Variants in CDKAL1 observed in about 807,000 individuals in gnomAD.
CDKAL1 encodes threonylcarbamoyladenosine tRNA methylthiotransferase.
Under a neutral mutation model 68.2 loss-of-function variants are expected in CDKAL1, and 32 were observed. The observed-to-expected ratio is 0.47, with a 90% CI of 0.35 to 0.63. The LOEUF (loss-of-function observed/expected upper bound fraction) is 0.63. Among genes scored for constraint, CDKAL1 ranks in the 30% least tolerant of loss-of-function variants. The probability of loss-of-function intolerance (pLI) is 0.00; values close to 1 mark genes in which losing one functional copy is unlikely to be tolerated. For missense variants in CDKAL1, 606 were observed against 696.7 expected, an observed-to-expected ratio of 0.87 and a Z score of 1.47; for synonymous variants, 234 against 244.3, an observed-to-expected ratio of 0.96 and a Z score of 0.39.
chr6:20,607,161 G>C (rs1561961103), intron 4 of CDKAL1, among the ~76,000 whole-genome samples: 1 of 152,198 alleles, frequency 6.6e-6, no homozygotes, highest in East Asian at 1.9e-4. Context: ...AAAAAAGAAA[G>C]AACGTAAAGT....
At position 21,140,911 on chromosome 6, in the gene CDKAL1, A is replaced by G. The variant is rs951118968; in HGVS notation, c.1299+32448A>G. Reference sequence around the variant, plus strand: ...GCGGGAGGCAAAAGGCACTTCTTACATGGCGGCGCCAGGAGAAAATGAGGA... The same window carrying G: ...GCGGGAGGCAAAAGGCACTTCTTACGTGGCGGCGCCAGGAGAAAATGAGGA... On this transcript the variant is annotated intron_variant, in intron 13 of 15. Coordinates refer to ENST00000274695, the MANE Select transcript of CDKAL1 (RefSeq NM_017774.3). Among the ~76,000 whole-genome samples the G allele has an allele frequency of 4.6e-5, 7 of 152,180 alleles. No individual in the cohort carries two copies. In the South Asian group the frequency reaches 8.3e-4, roughly 18 times the overall value.
intron 5 of CDKAL1, among the ~76,000 whole-genome samples, chr6:20,693,875 CT>C (rs751860824): frequency 0.057 from 8,171 of 142,412 alleles, 261 homozygotes; most frequent in Middle Eastern, 0.097. Context: ...TTGCCAGCTA[CT>C]TTTTTTTTTT....
At chr6:20,573,495 A>G (rs1317701582) in intron 4 of CDKAL1, among the ~76,000 whole-genome samples, 1 of 152,200 alleles carries the variant, frequency 6.6e-6, no homozygotes, top group Non-Finnish European at 1.5e-5. Flanking sequence ...TTCAAATTGT[A>G]TCTGATACAT....
intron 4 of CDKAL1, 140 bp from the exon 5 acceptor site, chr6:20,649,153 T>C: frequency 1.6e-6 from 1 of 621,758 alleles, no homozygotes; most frequent in Non-Finnish European, 2.8e-6. Flanking sequence ...GTTCTAGCAA[T>C]TTTCTACTGT....
chr6:20,823,667 T>G (rs1028038202), intron 8 of CDKAL1, among the ~76,000 whole-genome samples: 1 of 152,170 alleles, frequency 6.6e-6, no homozygotes, highest in Admixed American at 6.6e-5. Flanking sequence ...CTGTCTGAAT[T>G]ATCAGAATCG....
chr6:20,918,926 T>G (rs921141279), intron 9 of CDKAL1, among the ~76,000 whole-genome samples: 5 of 152,334 alleles, frequency 3.3e-5, no homozygotes, highest in Middle Eastern at 3.4e-3. Flanking sequence ...ACAGCAATAT[T>G]GTGCTTATCA....
chr6:20,696,973 C>G (rs1771135249), intron 5 of CDKAL1, among the ~76,000 whole-genome samples: 1 of 152,078 alleles, frequency 6.6e-6, no homozygotes, highest in Non-Finnish European at 1.5e-5. Flanking sequence ...TGTTGCTTTA[C>G]CACATACTTC....
At chr6:20,871,090 C>T (rs1316396434) in intron 9 of CDKAL1, among the ~76,000 whole-genome samples, 1 of 152,156 alleles carries the variant, frequency 6.6e-6, no homozygotes, top group Non-Finnish European at 1.5e-5. Flanking sequence ...GTAATGCTAA[C>T]TGATTGAGTG....
At chr6:20,918,350 A>G (rs894034150) in intron 9 of CDKAL1, among the ~76,000 whole-genome samples, 5 of 152,246 alleles carry the variant, frequency 3.3e-5, no homozygotes, top group African/African-American at 9.6e-5. Context: ...ATACCATTCA[A>G]CTATCACAAA....
intron 4 of CDKAL1, among the ~76,000 whole-genome samples, chr6:20,614,437 C>T (rs1380649628): frequency 6.6e-6 from 1 of 152,138 alleles, no homozygotes; most frequent in Non-Finnish European, 1.5e-5. Flanking sequence ...GATGACTAGC[C>T]ATTTCTCCTG....
intron 11 of CDKAL1, among the ~76,000 whole-genome samples, chr6:21,049,058 T>C (rs989215366): frequency 6.6e-6 from 1 of 152,158 alleles, no homozygotes; most frequent in Non-Finnish European, 1.5e-5. Flanking sequence ...TTCTTTTATA[T>C]TGTAGTCAGA....
intron 5 of CDKAL1, among the ~76,000 whole-genome samples, chr6:20,699,599 A>G (rs1361363452): frequency 2.0e-5 from 3 of 152,062 alleles, no homozygotes; most frequent in African/African-American, 4.8e-5. Flanking sequence ...GCTCATGGAC[A>G]TGTGTTCACC....
At chr6:21,093,090 T>C (rs1773127900) in intron 12 of CDKAL1, among the ~76,000 whole-genome samples, 1 of 152,132 alleles carries the variant, frequency 6.6e-6, no homozygotes, top group African/African-American at 2.4e-5. Flanking sequence ...TTTTAATGAC[T>C]GAAGGTCATG....
chr6:20,810,645 TGTGTGTG>T (rs1776774261), intron 8 of CDKAL1, among the ~76,000 whole-genome samples: 2 of 137,482 alleles, frequency 1.5e-5, no homozygotes, highest in African/African-American at 5.4e-5. Context: ...TGTGTGTGTG[TGTGTGTG>T]TGTGTGTGTG....
chr6:20,753,612 T>C (rs1294387705), intron 6 of CDKAL1, among the ~76,000 whole-genome samples: 3 of 152,172 alleles, frequency 2.0e-5, no homozygotes, highest in Non-Finnish European at 4.4e-5. Flanking sequence ...TAATAACACG[T>C]TTCTCAGAAC....
At chr6:20,703,687 A>T (rs1771474500) in intron 5 of CDKAL1, among the ~76,000 whole-genome samples, 1 of 152,182 alleles carries the variant, frequency 6.6e-6, no homozygotes, top group Admixed American at 6.5e-5. Context: ...TATAATAGTT[A>T]ACAGGAAAAT....
intron 5 of CDKAL1, among the ~76,000 whole-genome samples, chr6:20,652,137 GT>G (rs759071607): frequency 4.1e-4 from 62 of 152,084 alleles, no homozygotes; most frequent in Admixed American, 2.5e-3. Flanking sequence ...TTTTTGAAGG[GT>G]TTTTTGTGTG....
intron 11 of CDKAL1, among the ~76,000 whole-genome samples, chr6:21,058,139 G>A (rs1432887969): frequency 6.6e-6 from 1 of 152,154 alleles, no homozygotes; most frequent in Non-Finnish European, 1.5e-5. Flanking sequence ...ATTATTGGGT[G>A]GGAGTCTAAG....
intron 13 of CDKAL1, among the ~76,000 whole-genome samples, chr6:21,122,713 T>C (rs1774787450): frequency 6.6e-6 from 1 of 151,888 alleles, no homozygotes; most frequent in Admixed American, 6.6e-5. Context: ...TATAGCTCAC[T>C]GCAGCCTCGA....
Sources: allele counts gnomAD v4.1 joint callset (sites outside exome capture counted in the v4.1 genomes callset), GRCh38; gene constraint gnomAD v4.1.1; transcripts MANE v1.5; gene names NCBI Gene and HGNC (gene_info 2026-07-23, HGNC 2026-07-21).